Variants in LRFN2 observed in about 807,000 individuals in gnomAD.
The protein encoded by LRFN2 is leucine rich repeat and fibronectin type III domain containing 2, also known as leucine-rich repeat and fibronectin type-III domain-containing protein 2.
A neutral mutation model predicts 37.3 loss-of-function variants in LRFN2; 18 were observed. The observed-to-expected ratio is 0.48, with a 90% CI of 0.33 to 0.72. The LOEUF is 0.72. Ranked by LOEUF, LRFN2 falls within the 30% of genes least tolerant of loss-of-function variation. LRFN2 has a pLI of 0.02. For synonymous variants in LRFN2, 556 were observed against 466.6 expected (o/e 1.19, Z -2.47); for missense variants, 1,006 against 1,060.7 (o/e 0.95, Z 0.72).
chr6:40,462,486 G>A (rs1182744156), intron 1 of LRFN2, among the ~76,000 whole-genome samples: 2 of 152,008 alleles, frequency 1.3e-5, no homozygotes, highest in Admixed American at 1.3e-4. Flanking sequence ...CTCTGTCTAG[G>A]AGAAGGCCTT....
At chr6:40,564,776 A>T (rs951666669) in intron 1 of LRFN2, among the ~76,000 whole-genome samples, 2 of 152,098 alleles carry the variant, frequency 1.3e-5, no homozygotes, top group South Asian at 2.1e-4. Flanking sequence ...AATGCTTCTT[A>T]ACAGCCCATG....
At chr6:40,456,879 T>C (rs925479630) in intron 1 of LRFN2, among the ~76,000 whole-genome samples, 2 of 152,024 alleles carry the variant, frequency 1.3e-5, no homozygotes, top group Admixed American at 6.6e-5. Flanking sequence ...TCCCACTTGG[T>C]TGTAGTCATT....
intron 2 of LRFN2, among the ~76,000 whole-genome samples, chr6:40,413,426 A>C (rs2113807063): frequency 6.6e-6 from 1 of 152,220 alleles, no homozygotes; most frequent in Non-Finnish European, 1.5e-5. Flanking sequence ...CAGTGGCTGC[A>C]GTAGCTCTGG....
intron 2 of LRFN2, among the ~76,000 whole-genome samples, chr6:40,414,850 A>C (rs561024902): frequency 6.6e-6 from 1 of 152,302 alleles, no homozygotes; most frequent in African/African-American, 2.4e-5. Flanking sequence ...AACAGCCTAG[A>C]GAGGAGGCAG....
At chr6:40,452,294 T>C (rs1000783856) in intron 1 of LRFN2, among the ~76,000 whole-genome samples, 1 of 152,144 alleles carries the variant, frequency 6.6e-6, no homozygotes, top group Non-Finnish European at 1.5e-5. Context: ...TCATGGCTGG[T>C]CAATATCAAA....
chr6:40,455,347 G>A (rs1444114736), intron 1 of LRFN2, among the ~76,000 whole-genome samples: 1 of 152,108 alleles, frequency 6.6e-6, no homozygotes, highest in Non-Finnish European at 1.5e-5. Context: ...CTCCACCTCG[G>A]TTGTCACCTC....
rs1363045526 is a variant in LRFN2, at chr6:40,556,743, ACACACACACG to A, written c.-19+30188_-19+30197del. On this transcript the variant is annotated intron_variant, in intron 1 of 2. Transcript: ENST00000338305. ...CACACACACACACACACACACACAC[ACACACACACG>A]CACACACTCCTACTGATGCTCTTGG... Among the ~76,000 whole-genome samples the A allele has an allele frequency of 5.4e-4, 80 of 148,262 alleles. 3 individuals carry two copies. The highest frequency in any genetic ancestry group is 8.3e-4 in the African/African-American group (33 of 39,900).
At chr6:40,440,205 A>G (rs145230647) in intron 1 of LRFN2, among the ~76,000 whole-genome samples, 13 of 152,282 alleles carry the variant, frequency 8.5e-5, no homozygotes, top group African/African-American at 2.6e-4. Flanking sequence ...TTAAACTTCT[A>G]TTGTGCAAGA....
At chr6:40,538,676 TCTC>T (rs140581776) in intron 1 of LRFN2, among the ~76,000 whole-genome samples, 314 of 152,286 alleles carry the variant, frequency 2.1e-3, no homozygotes, top group African/African-American at 7.2e-3. Context: ...ATTCCCAGCT[TCTC>T]CTCCTAGACT....
intron 1 of LRFN2, among the ~76,000 whole-genome samples, chr6:40,507,160 G>A (rs939132203): frequency 6.6e-6 from 1 of 152,148 alleles, no homozygotes; most frequent in African/African-American, 2.4e-5. Context: ...ACTCAGCCTG[G>A]CATCTCTACT....
At position 40,392,330 on chromosome 6, in the gene LRFN2, G is replaced by A. The variant is rs2113788636; in HGVS notation, c.1983C>T (p.Ala661=). The change falls in exon 3 of 3, where the codon GCC becomes GCT. Residue 661 remains alanine, a synonymous_variant. Coordinates refer to ENST00000338305, the MANE Select transcript of LRFN2 (RefSeq NM_020737.3). This position sits in a 1 kb window ranked among gnomAD's most constrained non-coding sequence, Gnocchi z 4.7. ...PSLDRLMGAF[A]SLDLKSQRKE... The stretch of plus-strand genomic sequence containing the variant: ...TTCTCTGACTCTTGAGGTCCAGGGA[G>A]GCGAAGGCCCCCATCAGGCGGTCAA... 2 of 1,610,852 alleles carry A rather than the reference G, an allele frequency of 1.2e-6. No homozygotes were observed. Among genetic ancestry groups the A allele is most frequent in the South Asian group, 1.1e-5 (1 of 90,430 alleles).
intron 2 of LRFN2, among the ~76,000 whole-genome samples, chr6:40,393,387 C>A (rs1034467667): frequency 1.7e-4 from 26 of 150,582 alleles, no homozygotes; most frequent in African/African-American, 5.4e-4. Flanking sequence ...TATATGGAAA[C>A]AAAAACACAA....
At chr6:40,528,500 G>A (rs1481175800) in intron 1 of LRFN2, among the ~76,000 whole-genome samples, 2 of 152,190 alleles carry the variant, frequency 1.3e-5, no homozygotes, top group Non-Finnish European at 2.9e-5. Flanking sequence ...GAGCTAAGGT[G>A]GACCCTCTTA....
chr6:40,464,754 A>G (rs1189909618), intron 1 of LRFN2, among the ~76,000 whole-genome samples: 2 of 152,070 alleles, frequency 1.3e-5, no homozygotes, highest in Non-Finnish European at 2.9e-5. Flanking sequence ...AAGACAGGTC[A>G]AAAATGCAGA....
intron 1 of LRFN2, among the ~76,000 whole-genome samples, chr6:40,571,730 G>A (rs1045987533): frequency 1.3e-5 from 2 of 152,202 alleles, no homozygotes; most frequent in South Asian, 2.1e-4. Flanking sequence ...ACCAGCAGGT[G>A]GATCCCCAAA....
intron 1 of LRFN2, among the ~76,000 whole-genome samples, chr6:40,563,709 G>A (rs1767041004): frequency 6.6e-6 from 1 of 152,138 alleles, no homozygotes; most frequent in South Asian, 2.1e-4. Context: ...CAAGAAACAA[G>A]AATAGAAATC....
Position 40,538,334 on chromosome 6 carries a change from C to T in LRFN2, c.-19+48607G>A, listed in dbSNP as rs114848800. 6.0e-3 allele frequency among the ~76,000 whole-genome samples: 907 copies of T among 152,218 alleles called. 11 individuals carry two copies. Among genetic ancestry groups the T allele is most frequent in the African/African-American group, 0.021 (869 of 41,538 alleles). On this transcript the variant is annotated intron_variant, in intron 1 of 2. Transcript: ENST00000338305. ...GGCCTCCAGCTGTGTAGCAGCCCCC[C>T]TTCTCCAGGGCCCCCTGCCACCCAC...
intron 1 of LRFN2, among the ~76,000 whole-genome samples, chr6:40,470,643 C>G (rs1246369246): frequency 6.6e-6 from 1 of 151,946 alleles, no homozygotes; most frequent in Non-Finnish European, 1.5e-5. Flanking sequence ...TCTACCTGCT[C>G]TCAGAGGAAT....
intron 1 of LRFN2, among the ~76,000 whole-genome samples, chr6:40,540,397 A>G (rs1188986090): frequency 6.6e-6 from 1 of 152,134 alleles, no homozygotes; most frequent in Non-Finnish European, 1.5e-5. Flanking sequence ...GCTTTTGCAA[A>G]GCATCAGGGT....
Sources: gnomAD v4.1 joint callset for allele counts (sites outside exome capture counted in the v4.1 genomes callset) on GRCh38, gnomAD v4.1.1 for gene constraint, Gnocchi (gnomAD v3.1) non-coding constraint, MANE v1.5 for transcripts, NCBI Gene and HGNC (gene_info 2026-07-23, HGNC 2026-07-21) for gene names.